Variants in USP37 observed in about 807,000 individuals in gnomAD.
USP37 encodes the protein ubiquitin carboxyl-terminal hydrolase 37.
A neutral mutation model predicts 124.0 loss-of-function variants in USP37; 27 were observed. That is an observed-to-expected ratio of 0.22 (90% CI 0.16 to 0.30). USP37 has a LOEUF of 0.30. USP37 is among the 10% of genes least tolerant of loss of function. The pLI is 1.00. For synonymous variants in USP37, 365 were observed against 388.0 expected (o/e 0.94, Z 0.70); for missense variants, 889 against 1,140.4 (o/e 0.78, Z 3.17).
intron 20 of USP37, among the ~76,000 whole-genome samples, chr2:218,474,046 T>C (rs573485012): frequency 2.6e-5 from 4 of 152,306 alleles, no homozygotes; most frequent in African/African-American, 9.6e-5. Context: ...AAGCAATGCA[T>C]TGTGCAGGGA....
intron 9 of USP37, among the ~76,000 whole-genome samples, chr2:218,532,957 T>A (rs78891486): frequency 0.021 from 3,211 of 151,898 alleles, 120 homozygotes; most frequent in African/African-American, 0.071. Context: ...TATTATTATT[T>A]TTTTTTTAGA....
intron 23 of USP37, among the ~76,000 whole-genome samples, chr2:218,458,307 C>G (rs1267895485): frequency 1.4e-5 from 2 of 138,378 alleles, no homozygotes; most frequent in Non-Finnish European, 3.1e-5. Flanking sequence ...TGCAGTGGCT[C>G]AGGCCTGTAA....
At chr2:218,565,141 TC>T (rs1412492073) in intron 1 of USP37, among the ~76,000 whole-genome samples, 2 of 152,212 alleles carry the variant, frequency 1.3e-5, no homozygotes, top group Non-Finnish European at 2.9e-5. Context: ...CAGGCTGGTA[TC>T]GAACTCCGGG....
chr2:218,513,288 C>T (rs960222953), intron 10 of USP37, among the ~76,000 whole-genome samples: 2 of 152,110 alleles, frequency 1.3e-5, no homozygotes, highest in African/African-American at 4.8e-5. Flanking sequence ...ATCCTGGCCT[C>T]TCCAAGTGCT....
At chr2:218,486,574 C>T (rs1691572002) in intron 15 of USP37, among the ~76,000 whole-genome samples, 1 of 152,130 alleles carries the variant, frequency 6.6e-6, no homozygotes, top group African/African-American at 2.4e-5. Context: ...AGGCATGTGC[C>T]ACCATACCTG....
At chr2:218,507,001 T>C (rs968791665) in intron 11 of USP37, among the ~76,000 whole-genome samples, 1 of 151,940 alleles carries the variant, frequency 6.6e-6, no homozygotes, top group Non-Finnish European at 1.5e-5. Context: ...GTTCATCATG[T>C]TGGCCAGGTT....
At chr2:218,456,985 A>G in intron 24 of USP37, 107 bp downstream of exon 24, 7 of 1,105,270 alleles carry the variant, frequency 6.3e-6, no homozygotes, top group Non-Finnish European at 8.8e-6. Context: ...AAAAAAGAAA[A>G]AGAAAAAGAA....
chr2:218,507,203 A>G (rs1174662735), intron 11 of USP37, among the ~76,000 whole-genome samples: 1 of 151,908 alleles, frequency 6.6e-6, no homozygotes, highest in Non-Finnish European at 1.5e-5. Context: ...ACAGTTGTCC[A>G]GGCTGGAGTA....
chr2:218,461,746 C>T (rs911195410), intron 22 of USP37, among the ~76,000 whole-genome samples: 1 of 152,078 alleles, frequency 6.6e-6, no homozygotes, highest in African/African-American at 2.4e-5. Context: ...TGGCTCACAC[C>T]TCTAATCCTA....
Position 218,549,926 on chromosome 2 carries a change from T to G in USP37, c.329-17A>C, listed in dbSNP as rs368087720. 2 of 1,567,276 alleles carry G rather than the reference T, an allele frequency of 1.3e-6. No homozygotes were observed. The highest frequency in any genetic ancestry group is 2.0e-5 in the Admixed American group (1 of 50,936). ...GTTTCATGGCTGGTGACCAAAAATA[T>G]AATTTTTTTTAAAATCCCCAAATCA... On this transcript the variant is annotated splice_polypyrimidine_tract_variant and intron_variant, in intron 5 of 25. Coordinates refer to ENST00000258399, the MANE Select transcript of USP37 (RefSeq NM_020935.3).
rs573148727 is a variant in USP37, at chr2:218,524,575, C to T, written c.863+5381G>A. ...CCTCCTTTGATAGAAAATATCAAGA[C>T]GTATTTACATACATAAAATAACCCT... On this transcript the variant is annotated intron_variant, in intron 10 of 25. Coordinates refer to ENST00000258399, the MANE Select transcript of USP37 (RefSeq NM_020935.3). Among the ~76,000 whole-genome samples, 10 of 152,240 alleles carry T rather than the reference C, an allele frequency of 6.6e-5. No individual in the cohort carries two copies. The East Asian group carries it at 1.5e-3, about 23-fold the overall frequency.
chr2:218,528,105 G>A (rs1691081250), intron 10 of USP37, among the ~76,000 whole-genome samples: 1 of 152,112 alleles, frequency 6.6e-6, no homozygotes, highest in South Asian at 2.1e-4. Flanking sequence ...GGGAGGCTGA[G>A]GCAGGCTAAT....
Position 218,485,681 on chromosome 2 carries a change from T to G in USP37, c.1653A>C (p.Lys551Asn). 6.3e-7 allele frequency: 1 copy of G among 1,590,620 alleles called. No homozygotes were observed. The highest frequency in any genetic ancestry group is 8.5e-7 in the Non-Finnish European group (1 of 1,173,144). ...CGGKCALVRH[K>N]FNRLPRVLIL... The stretch of plus-strand genomic sequence containing the variant: ...AAAATTACCTAGGAAGCCTGTTAAA[T>G]TTGTGCCTGACAAGAGCACACTTCC... The change falls in exon 16 of 26, where the codon AAA (lysine) becomes AAC (asparagine). Residue 551 changes from lysine to asparagine, a missense_variant. Lys to Asn is a moderately conservative substitution (Grantham distance 94). Around this residue, in one of 3 missense-constraint regions of USP37, gnomAD observed 504 missense variants for 714.3 expected, o/e 0.71. Transcript: ENST00000258399.
rs759153042 is a variant in USP37 at position 218,558,617 on chromosome 2, G to C, written c.37C>G (p.Arg13Gly). The C allele has an allele frequency of 6.2e-7, 1 of 1,612,242 alleles. No individual in the cohort carries two copies. Among genetic ancestry groups the C allele is most frequent in the South Asian group, 1.1e-5 (1 of 90,894 alleles). ...PLKIHGPIRI[R>G]SMQTGITKWK... ...TTTGTAATCCCAGTCTGCATACTTC[G>C]AATTCTGATAGGACCATGTATCTTC... Residue 13 changes from arginine (R) to glycine (G), a missense_variant, in exon 4 of 26, where the codon CGA (arginine) becomes GGA (glycine). Physicochemically the swap from Arg to Gly is moderately radical, Grantham distance 125 (BLOSUM62 -2). Coordinates refer to ENST00000258399, the MANE Select transcript of USP37 (RefSeq NM_020935.3).
At chr2:218,492,301 T>C (rs879524589) in intron 14 of USP37, among the ~76,000 whole-genome samples, 3 of 152,216 alleles carry the variant, frequency 2.0e-5, no homozygotes, top group Non-Finnish European at 4.4e-5. Context: ...TAAGGCACTA[T>C]GATCCTGGTG....
intron 15 of USP37, 41 bp downstream of exon 15, chr2:218,488,263 A>G (rs1691700701): frequency 7.6e-7 from 1 of 1,310,850 alleles, no homozygotes; most frequent in East Asian, 2.4e-5. Context: ...TATCAATGAT[A>G]TAAAATTTAG....
intron 11 of USP37, among the ~76,000 whole-genome samples, chr2:218,509,283 CTGACTA>C (rs1453160027): frequency 1.3e-5 from 2 of 152,186 alleles, no homozygotes; most frequent in Non-Finnish European, 2.9e-5. Flanking sequence ...TGCTGTACTA[CTGACTA>C]TATCACTTTG....
intron 16 of USP37, among the ~76,000 whole-genome samples, chr2:218,484,632 C>T (rs1691449036): frequency 8.2e-6 from 1 of 121,324 alleles, no homozygotes; most frequent in Non-Finnish European, 1.7e-5. Context: ...AAAACAACAA[C>T]AACAACAACA....
At chr2:218,480,511 T>TG (rs1375703197) in intron 17 of USP37, among the ~76,000 whole-genome samples, 1 of 150,626 alleles carries the variant, frequency 6.6e-6, no homozygotes, top group Non-Finnish European at 1.5e-5. Context: ...GCACTGGAAA[T>TG]GAAGTCAAGT....
Sources: allele counts gnomAD v4.1 joint callset (sites outside exome capture counted in the v4.1 genomes callset), GRCh38; gene constraint gnomAD v4.1.1; regional missense constraint gnomAD v4.1.1; transcripts MANE v1.5; gene names NCBI Gene and HGNC (gene_info 2026-07-23, HGNC 2026-07-21).